The following SND1 variants were observed in gnomAD, a reference collection of about 807,000 sequenced individuals.
SND1 encodes staphylococcal nuclease and tudor domain containing 1.
Under a neutral mutation model 121.7 loss-of-function variants are expected in SND1, and 38 were observed. That is an observed-to-expected ratio of 0.31 (90% CI 0.24 to 0.41). The LOEUF (loss-of-function observed/expected upper bound fraction) is 0.41, where lower values mean the gene tolerates loss of function less well. SND1 is among the 10% of genes least tolerant of loss of function. SND1 has a pLI of 1.00. For missense variants in SND1, 868 were observed against 1,184.6 expected (o/e 0.73, Z 3.92); for synonymous variants, 401 against 447.4 (o/e 0.90, Z 1.31).
intron 11 of SND1, among the ~76,000 whole-genome samples, chr7:127,835,505 G>A (rs1798850331): frequency 6.6e-6 from 1 of 152,164 alleles, no homozygotes; most frequent in South Asian, 2.1e-4. Flanking sequence ...CAGCTCTGGT[G>A]AGGAATAAGA....
rs67595921 is a variant in SND1, at chr7:128,040,437, T to TAAAAAAA, written c.1780-34042_1780-34036dup. Among the ~76,000 whole-genome samples, 28 of 32,898 alleles carry TAAAAAAA rather than the reference T, an allele frequency of 8.5e-4. 1 individual carries two copies. Among genetic ancestry groups the TAAAAAAA allele is most frequent in the African/African-American group, 3.0e-3 (25 of 8,282 alleles). The allele number at this position is 32,898 out of a possible 152,430, so 21.6% of individuals were successfully genotyped here. On this transcript the variant is annotated intron_variant, in intron 16 of 23. Transcript: ENST00000354725. ...ATCAAACAGAGCAAGGTCCTATCTT[T>TAAAAAAA]AAAAAAAAAAAAAAAAAAAAAAAAA... is the stretch of plus-strand genomic sequence containing the variant.
chr7:127,982,684 A>T (rs1174446640), intron 15 of SND1, among the ~76,000 whole-genome samples: 2 of 152,228 alleles, frequency 1.3e-5, no homozygotes, highest in Non-Finnish European at 2.9e-5. Context: ...CTGGTCTGCC[A>T]TTTCCCTTTT....
rs190868455 is a variant in SND1 at position 127,888,083 on chromosome 7, A to G, written c.1454+71A>G. 25 of 899,266 alleles carry G rather than the reference A, an allele frequency of 2.8e-5. No homozygotes were observed. The African/African-American group carries it at 3.6e-4, about 13-fold the overall frequency. 55.7% of individuals were successfully genotyped at this position (899,266 alleles called of 1,614,324 possible). ...TTTTTTCTTTCCCAGTTTTGTGCCT[A>G]TACCTGAGCAGAATGTGTTGGAAAA... is the stretch of plus-strand genomic sequence containing the variant. On this transcript the variant is annotated intron_variant, in intron 13 of 23. Transcript: ENST00000354725.
chr7:127,730,256 C>T (rs1049359346), intron 10 of SND1, among the ~76,000 whole-genome samples: 4 of 152,160 alleles, frequency 2.6e-5, no homozygotes, highest in African/African-American at 4.8e-5. Context: ...TGTGAGCCAC[C>T]GCGCCCAGCC....
At chr7:127,925,750 C>T (rs1006793556) in intron 14 of SND1, among the ~76,000 whole-genome samples, 1 of 151,770 alleles carries the variant, frequency 6.6e-6, no homozygotes, top group Non-Finnish European at 1.5e-5. Context: ...ATTACAGGCA[C>T]ACCCTGCTAT....
chr7:127,695,054 G>A, intron 3 of SND1, 106 bp downstream of exon 3: 2 of 1,403,890 alleles, frequency 1.4e-6, no homozygotes, highest in Non-Finnish European at 1.9e-6. Context: ...GGAAGCTCTA[G>A]GACAGTTGGC....
chr7:127,986,110 A>G (rs1460459431), intron 15 of SND1, among the ~76,000 whole-genome samples: 1 of 152,224 alleles, frequency 6.6e-6, no homozygotes, highest in Non-Finnish European at 1.5e-5. Context: ...CTTAGTTATC[A>G]TAAAACTCGA....
At position 128,087,001 on chromosome 7, in the gene SND1, C is replaced by T. The variant is rs370234965; in HGVS notation, c.2368C>T (p.Pro790Ser). ...LSPAFSTRVLPAQATEYAFAF... is the reference protein window; with the variant it reads ...LSPAFSTRVLSAQATEYAFAF... ...ACCTGCCTTCAGCACTCGGGTGCTGCCAGCTCAAGCCACGGAGTATGCCTT... is the reference window on the plus strand; with the variant it reads ...ACCTGCCTTCAGCACTCGGGTGCTGTCAGCTCAAGCCACGGAGTATGCCTT... Residue 790 changes from proline (P) to serine (S), a missense_variant, in exon 21 of 24, where the codon CCA (proline) becomes TCA (serine). Coordinates refer to ENST00000354725, the MANE Select transcript of SND1 (RefSeq NM_014390.4). The T allele has an allele frequency of 2.7e-5, 44 of 1,614,122 alleles. No individual in the cohort carries two copies. Among genetic ancestry groups the T allele is most frequent in the African/African-American group, 4.0e-5 (3 of 74,940 alleles).
At chr7:127,774,444 A>G (rs1267814437) in intron 10 of SND1, among the ~76,000 whole-genome samples, 6 of 152,360 alleles carry the variant, frequency 3.9e-5, no homozygotes, top group Middle Eastern at 3.4e-3. Flanking sequence ...ATCGTAGTGT[A>G]CAGTAATGTC....
chr7:128,030,769 T>G, intron 16 of SND1: 2 of 1,214,538 alleles, frequency 1.6e-6, no homozygotes, highest in South Asian at 1.6e-5. Flanking sequence ...AGGGGGCGAT[T>G]AGAGAGACGG....
intron 13 of SND1, among the ~76,000 whole-genome samples, chr7:127,902,669 T>C (rs1159753171): frequency 6.6e-6 from 1 of 152,018 alleles, no homozygotes; most frequent in Non-Finnish European, 1.5e-5. Context: ...GAATGATAAA[T>C]CACTAGAGGA....
intron 10 of SND1, among the ~76,000 whole-genome samples, chr7:127,778,818 C>G (rs577776137): frequency 9.9e-4 from 150 of 152,206 alleles, no homozygotes; most frequent in African/African-American, 3.4e-3. Context: ...CACTTTAGAT[C>G]CTTAACTAAG....
chr7:127,702,817 C>T (rs1280165365), intron 6 of SND1, among the ~76,000 whole-genome samples: 3 of 152,178 alleles, frequency 2.0e-5, no homozygotes, highest in Admixed American at 6.6e-5. Flanking sequence ...CTGAATATGG[C>T]TTGCATTAAG....
intron 11 of SND1, among the ~76,000 whole-genome samples, chr7:127,824,508 G>A (rs1798608246): frequency 6.6e-6 from 1 of 152,178 alleles, no homozygotes; most frequent in South Asian, 2.1e-4. Context: ...AAGGACTGAA[G>A]CAATTAGGTT....
intron 10 of SND1, among the ~76,000 whole-genome samples, chr7:127,727,823 T>G (rs2116403373): frequency 6.6e-6 from 1 of 152,200 alleles, no homozygotes; most frequent in East Asian, 1.9e-4. Context: ...AAATCTTCTT[T>G]GTTAGAAGAC....
intron 10 of SND1, among the ~76,000 whole-genome samples, chr7:127,772,965 G>A (rs1258909152): frequency 6.6e-6 from 1 of 152,108 alleles, no homozygotes; most frequent in African/African-American, 2.4e-5. Flanking sequence ...TTGACAATTT[G>A]GGTGATGGTC....
chr7:127,922,523 G>T (rs375931158), intron 14 of SND1, among the ~76,000 whole-genome samples: 11 of 152,054 alleles, frequency 7.2e-5, no homozygotes, highest in African/African-American at 2.4e-4. Context: ...TGGTGGGTAG[G>T]ACCAACCAAA....
At chr7:127,829,219 C>A (rs530892674) in intron 11 of SND1, among the ~76,000 whole-genome samples, 1 of 152,268 alleles carries the variant, frequency 6.6e-6, no homozygotes, top group South Asian at 2.1e-4. Context: ...CCCCCTGCCC[C>A]CTCCCCCACA....
At position 127,864,340 on chromosome 7, in the gene SND1, C is replaced by G. The variant is rs147656581; in HGVS notation, c.1343+19916C>G. Among the ~76,000 whole-genome samples the G allele has an allele frequency of 4.4e-3, 673 of 152,012 alleles. 7 individuals carry two copies. Among genetic ancestry groups the G allele is most frequent in the African/African-American group, 0.016 (643 of 41,460 alleles). On this transcript the variant is annotated intron_variant, in intron 12 of 23. Coordinates refer to ENST00000354725, the MANE Select transcript of SND1 (RefSeq NM_014390.4). ...GGCTTCTCACTTCCTTCCAATTGAG[C>G]CATCTCTACACTGGTCACTGGGGGT...
Sources: allele counts gnomAD v4.1 joint callset (sites outside exome capture counted in the v4.1 genomes callset), GRCh38; gene constraint gnomAD v4.1.1; transcripts MANE v1.5; gene names NCBI Gene and HGNC (gene_info 2026-07-23, HGNC 2026-07-21).